Variants in ERC1 observed in about 807,000 individuals in gnomAD.
ERC1 encodes ELKS/RAB6-interacting/CAST family member 1.
In ERC1, 56 loss-of-function variants were observed where a neutral mutation model predicts 132.0. The ratio of observed to expected loss-of-function variants is 0.42; its 90% confidence interval spans 0.34 to 0.53. The LOEUF is 0.53. Ranked by LOEUF, ERC1 falls within the 20% of genes least tolerant of loss-of-function variation. The pLI is 0.03. For missense variants in ERC1, 1,202 were observed against 1,349.9 expected, an observed-to-expected ratio of 0.89 and a Z score of 1.72; for synonymous variants, 478 against 476.1, an observed-to-expected ratio of 1.00 and a Z score of -0.05.
At chr12:1,483,185 C>T (rs564869215) in intron 18 of ERC1, among the ~76,000 whole-genome samples, 1 of 152,210 alleles carries the variant, frequency 6.6e-6, no homozygotes, top group African/African-American at 2.4e-5. Flanking sequence ...ATAGTCCCAG[C>T]TACTTGGGAG....
chr12:1,163,261 TA>T (rs1386786017), intron 8 of ERC1, among the ~76,000 whole-genome samples: 7 of 152,324 alleles, frequency 4.6e-5, no homozygotes, highest in African/African-American at 1.4e-4. Context: ...AAAGGGAGGT[TA>T]TTTTTTTTAC....
chr12:1,329,068 C>T (rs1266271313), intron 15 of ERC1, among the ~76,000 whole-genome samples: 3 of 143,898 alleles, frequency 2.1e-5, no homozygotes, highest in South Asian at 2.3e-4. Context: ...CTGAGGCGGG[C>T]AGATCACTTG....
intron 16 of ERC1, among the ~76,000 whole-genome samples, chr12:1,401,333 T>C (rs1246418841): frequency 6.6e-6 from 1 of 152,074 alleles, no homozygotes; most frequent in Admixed American, 6.6e-5. Flanking sequence ...GTAGTCATAG[T>C]AGTAGAAGAA....
At chr12:1,053,037 A>G (rs991006418) in intron 2 of ERC1, among the ~76,000 whole-genome samples, 5 of 152,174 alleles carry the variant, frequency 3.3e-5, no homozygotes, top group African/African-American at 9.7e-5. Flanking sequence ...GTTTATTTGA[A>G]TAGTTCATGG....
chr12:1,355,762 C>A (rs913712788), intron 15 of ERC1, among the ~76,000 whole-genome samples: 3 of 152,120 alleles, frequency 2.0e-5, no homozygotes, highest in Non-Finnish European at 4.4e-5. Flanking sequence ...ATTCACTCTA[C>A]GAGGTGGGCA....
intron 1 of ERC1, among the ~76,000 whole-genome samples, chr12:1,018,056 C>T (rs954608400): frequency 3.3e-5 from 5 of 152,280 alleles, no homozygotes; most frequent in African/African-American, 1.2e-4. Context: ...GATTTAGCTA[C>T]AGAAGTTTGT....
chr12:1,185,062 C>T (rs749788970), intron 11 of ERC1, among the ~76,000 whole-genome samples: 3 of 152,286 alleles, frequency 2.0e-5, no homozygotes, highest in Admixed American at 6.5e-5. Flanking sequence ...AGGCGCATGC[C>T]GCTGTGCCCG....
At chr12:1,310,536 T>TA (rs1251961316) in intron 15 of ERC1, among the ~76,000 whole-genome samples, 1 of 152,198 alleles carries the variant, frequency 6.6e-6, no homozygotes, top group African/African-American at 2.4e-5. Context: ...GATCAGTAAT[T>TA]ACTGCTTTAT....
chr12:1,072,073 C>G (rs988265583), intron 2 of ERC1, among the ~76,000 whole-genome samples: 3 of 151,330 alleles, frequency 2.0e-5, no homozygotes, highest in Admixed American at 2.0e-4. Context: ...TACACTCCAG[C>G]CTGGGCAGCA....
intron 7 of ERC1, among the ~76,000 whole-genome samples, chr12:1,126,887 C>G (rs1423086621): frequency 1.3e-5 from 2 of 149,250 alleles, no homozygotes; most frequent in African/African-American, 5.0e-5. Context: ...ACTCAGGAGG[C>G]TGAGGCAGGA....
chr12:1,010,771 C>G (rs557107283), intron 1 of ERC1, among the ~76,000 whole-genome samples: 1 of 151,870 alleles, frequency 6.6e-6, no homozygotes, highest in Non-Finnish European at 1.5e-5. Context: ...TCTTGGCCTC[C>G]GAAAGTGCTG....
intron 2 of ERC1, among the ~76,000 whole-genome samples, chr12:1,063,992 A>G (rs1938578614): frequency 6.6e-6 from 1 of 152,056 alleles, no homozygotes; most frequent in East Asian, 1.9e-4. Context: ...TTCAGTTTTC[A>G]TTTGTCTGTG....
intron 13 of ERC1, among the ~76,000 whole-genome samples, chr12:1,239,231 T>A (rs2075634315): frequency 6.6e-6 from 1 of 152,144 alleles, no homozygotes; most frequent in South Asian, 2.1e-4. Flanking sequence ...ATTTTTTAAT[T>A]TTTTGTAGAG....
At chr12:1,288,406 C>T (rs566902505) in intron 14 of ERC1, among the ~76,000 whole-genome samples, 77 of 152,266 alleles carry the variant, frequency 5.1e-4, no homozygotes, top group Non-Finnish European at 8.5e-4. Flanking sequence ...CGAGCCACAG[C>T]GCCCGGCCGT....
chr12:1,102,360 A>G (rs1191046512), intron 3 of ERC1, among the ~76,000 whole-genome samples: 1 of 152,210 alleles, frequency 6.6e-6, no homozygotes, highest in Non-Finnish European at 1.5e-5. Flanking sequence ...TACATATCAG[A>G]CAGTGCCTGA....
intron 12 of ERC1, among the ~76,000 whole-genome samples, chr12:1,232,452 A>T (rs534050953): frequency 4.6e-5 from 7 of 152,308 alleles, no homozygotes; most frequent in South Asian, 2.1e-4. Context: ...CATTCATTTA[A>T]TGCTGCATCG....
At chr12:1,272,240 T>TA (rs1424376456) in intron 14 of ERC1, among the ~76,000 whole-genome samples, 2 of 152,238 alleles carry the variant, frequency 1.3e-5, no homozygotes, top group African/African-American at 4.8e-5. Context: ...AAAGCCATAG[T>TA]AAACATCTAC....
intron 2 of ERC1, among the ~76,000 whole-genome samples, chr12:1,037,349 A>G (rs1417072154): frequency 6.6e-6 from 1 of 152,214 alleles, no homozygotes; most frequent in Admixed American, 6.5e-5. Context: ...TCTTAAATAT[A>G]ATTTGGGGGT....
At chr12:1,261,905 T>C (rs934875125) in intron 13 of ERC1, among the ~76,000 whole-genome samples, 1 of 152,208 alleles carries the variant, frequency 6.6e-6, no homozygotes, top group Non-Finnish European at 1.5e-5. Context: ...AACTGTTCAT[T>C]AAGAAGAATG....
Sources: gnomAD v4.1 joint callset for allele counts (sites outside exome capture counted in the v4.1 genomes callset) on GRCh38, gnomAD v4.1.1 for gene constraint, MANE v1.5 for transcripts, NCBI Gene and HGNC (gene_info 2026-07-23, HGNC 2026-07-21) for gene names.